PACRG: variants seen among roughly 807,000 people sequenced by gnomAD.
PACRG encodes the protein parkin coregulated gene protein.
Under a neutral mutation model 29.7 loss-of-function variants are expected in PACRG, and 29 were observed. That is an observed-to-expected ratio of 0.98 (90% CI 0.73 to 1.33). The LOEUF (loss-of-function observed/expected upper bound fraction) is 1.33. Among genes scored for constraint, PACRG ranks in the 40% most tolerant of loss-of-function variants. The pLI is 0.00. For missense variants in PACRG, 279 were observed against 316.2 expected (o/e 0.88, Z 0.89); for synonymous variants, 116 against 118.7 (o/e 0.98, Z 0.15).
At chr6:163,126,473 A>G (rs1816518515) in intron 4 of PACRG, among the ~76,000 whole-genome samples, 1 of 152,174 alleles carries the variant, frequency 6.6e-6, no homozygotes, top group Non-Finnish European at 1.5e-5. Context: ...TGTCTTTGGT[A>G]TTTATGAGGG....
At chr6:162,910,564 A>G (rs540160508) in intron 2 of PACRG, among the ~76,000 whole-genome samples, 6 of 152,218 alleles carry the variant, frequency 3.9e-5, no homozygotes, top group South Asian at 4.1e-4. Flanking sequence ...TTGAAAAAAA[A>G]CCACAAAAAC....
intron 4 of PACRG, among the ~76,000 whole-genome samples, chr6:163,169,457 G>A (rs1326174548): frequency 1.3e-5 from 2 of 152,204 alleles, no homozygotes; most frequent in Admixed American, 1.3e-4. Flanking sequence ...GATACCACTG[G>A]TGGTTCAGGA....
In PACRG at chr6:162,747,346, A is replaced by AGT. The variant is rs1217181486; in HGVS notation, c.156+18955_156+18956insGT. On this transcript the variant is annotated intron_variant, in intron 1 of 4. Coordinates refer to ENST00000366888, the MANE Select transcript of PACRG (RefSeq NM_001080379.2). Reference sequence around the variant, plus strand: ...TGCTCATATATATATATATATATATATATATATATATATATATACACATAC... The same window carrying AGT: ...TGCTCATATATATATATATATATATAGTTATATATATATATATATACACATAC... Among the ~76,000 whole-genome samples the AGT allele has an allele frequency of 8.0e-5, 6 of 75,396 alleles. 1 individual carries two copies. The highest frequency in any genetic ancestry group is 6.8e-4 in the Admixed American group (4 of 5,866). 49.5% of individuals were successfully genotyped at this position (75,396 alleles called of 152,430 possible).
chr6:162,952,157 C>T (rs996992772), intron 2 of PACRG, among the ~76,000 whole-genome samples: 2 of 152,152 alleles, frequency 1.3e-5, no homozygotes, highest in African/African-American at 2.4e-5. Flanking sequence ...CTCTTCCCTC[C>T]GTTTATTGTA....
At chr6:163,028,097 C>T (rs1013643473) in intron 2 of PACRG, among the ~76,000 whole-genome samples, 2 of 152,074 alleles carry the variant, frequency 1.3e-5, no homozygotes, top group Admixed American at 6.5e-5. Context: ...CAAAAGAGGC[C>T]GGCAGAGGTG....
chr6:162,831,711 C>T (rs570524670), intron 2 of PACRG, among the ~76,000 whole-genome samples: 7 of 152,210 alleles, frequency 4.6e-5, no homozygotes, highest in South Asian at 2.1e-4. Context: ...CCTGTGTCCA[C>T]GTGTTCTCAT....
chr6:162,794,537 A>G (rs1785212514), intron 1 of PACRG, among the ~76,000 whole-genome samples: 1 of 152,042 alleles, frequency 6.6e-6, no homozygotes, highest in African/African-American at 2.4e-5. Flanking sequence ...AATAATAAAG[A>G]TTTTTTTCTG....
At chr6:163,172,903 A>G (rs1256927293) in intron 4 of PACRG, among the ~76,000 whole-genome samples, 1 of 152,266 alleles carries the variant, frequency 6.6e-6, no homozygotes, top group Non-Finnish European at 1.5e-5. Context: ...TAATAGTGAA[A>G]AATGAAAATA....
intron 4 of PACRG, among the ~76,000 whole-genome samples, chr6:163,165,152 T>C (rs1010333709): frequency 6.6e-6 from 1 of 152,148 alleles, no homozygotes; most frequent in East Asian, 1.9e-4. Context: ...ACATACAGAA[T>C]GCAGACAAAA....
chr6:162,868,379 C>T (rs1792486002), intron 2 of PACRG, among the ~76,000 whole-genome samples: 1 of 152,374 alleles, frequency 6.6e-6, no homozygotes, highest in Non-Finnish European at 1.5e-5. Context: ...GACAGAATTA[C>T]ATCTTTTAGA....
At chr6:162,812,045 A>G (rs922479591) in intron 1 of PACRG, among the ~76,000 whole-genome samples, 1 of 152,160 alleles carries the variant, frequency 6.6e-6, no homozygotes. Context: ...TAACAAAATT[A>G]TAGAAATGAA....
At chr6:162,729,884 C>T (rs1335523888) in intron 1 of PACRG, among the ~76,000 whole-genome samples, 2 of 151,922 alleles carry the variant, frequency 1.3e-5, no homozygotes, top group Non-Finnish European at 2.9e-5. Context: ...TTAAAAAAAA[C>T]ATTGATTATG....
Position 163,314,315 on chromosome 6 carries a change from A to G in PACRG, c.614-512A>G, listed in dbSNP as rs1785560094. Among the ~76,000 whole-genome samples the G allele has an allele frequency of 2.0e-5, 3 of 152,218 alleles. 1 individual carries two copies. The South Asian group carries it at 6.2e-4, about 32-fold the overall frequency. ...ACCTGCACCTGGAATGAGCAAAATG[A>G]TTTCAAGGAACTGAACACTTGGATT... On this transcript the variant is annotated intron_variant, in intron 4 of 4. Coordinates refer to ENST00000366888, the MANE Select transcript of PACRG (RefSeq NM_001080379.2).
rs367756489 is a variant in PACRG at position 162,728,318 on chromosome 6, C to G, written c.83C>G (p.Pro28Arg). Residue 28 changes from proline (P) to arginine (R), a missense_variant, in exon 1 of 5, where the codon CCG (proline) becomes CGG (arginine). Transcript: ENST00000366888. ...AGGACCAAGCTGCTGGCACAACAGC[C>G]GCTCCCGGTGCACCAGCCTCACTCT... ...PKRTKLLAQQPLPVHQPHSLV... is the reference protein window; with the variant it reads ...PKRTKLLAQQRLPVHQPHSLV... The G allele has an allele frequency of 6.2e-7, 1 of 1,613,956 alleles. No homozygotes were observed. Among genetic ancestry groups the G allele is most frequent in the Non-Finnish European group, 8.5e-7 (1 of 1,179,990 alleles).
intron 2 of PACRG, among the ~76,000 whole-genome samples, chr6:163,005,480 A>C (rs1415807686): frequency 6.6e-6 from 1 of 151,764 alleles, no homozygotes; most frequent in Non-Finnish European, 1.5e-5. Flanking sequence ...GTGGCCCACA[A>C]ATTTTGATAT....
intron 4 of PACRG, chr6:163,095,443 C>T (rs1814486606): frequency 2.0e-6 from 2 of 982,678 alleles, no homozygotes; most frequent in African/African-American, 3.5e-5. Flanking sequence ...TGTGTCTTAG[C>T]TTCCTGGAGC....
intron 4 of PACRG, among the ~76,000 whole-genome samples, chr6:163,117,481 G>A (rs985977933): frequency 3.9e-5 from 6 of 152,190 alleles, no homozygotes; most frequent in Non-Finnish European, 8.8e-5. Context: ...GCCAGGTCCA[G>A]TAGCTCATGC....
intron 2 of PACRG, among the ~76,000 whole-genome samples, chr6:162,985,270 C>T (rs973602064): frequency 6.6e-6 from 1 of 151,912 alleles, no homozygotes; most frequent in African/African-American, 2.4e-5. Flanking sequence ...AACTACAGAC[C>T]AATATCCCTG....
chr6:163,090,067 CATGTT>C (rs1304064044), intron 4 of PACRG, among the ~76,000 whole-genome samples: 1 of 133,090 alleles, frequency 7.5e-6, no homozygotes, highest in Non-Finnish European at 1.5e-5. Context: ...TTCTCACATG[CATGTT>C]ATAAGTCAAC....
Sources: gnomAD v4.1 joint callset for allele counts (sites outside exome capture counted in the v4.1 genomes callset) on GRCh38, gnomAD v4.1.1 for gene constraint, MANE v1.5 for transcripts, NCBI Gene and HGNC (gene_info 2026-07-23, HGNC 2026-07-21) for gene names.